CTNND2: variants seen among roughly 807,000 people sequenced by gnomAD.
CTNND2 encodes the protein catenin delta-2.
Under a neutral mutation model 144.4 loss-of-function variants are expected in CTNND2, and 22 were observed. The observed-to-expected ratio is 0.15, with a 90% CI of 0.11 to 0.22. The LOEUF (loss-of-function observed/expected upper bound fraction) is 0.22. CTNND2 is among the 10% of genes least tolerant of loss of function. The probability of loss-of-function intolerance (pLI) is 1.00; values close to 1 mark genes in which losing one functional copy is unlikely to be tolerated. For synonymous variants in CTNND2, 751 were observed against 695.6 expected, an observed-to-expected ratio of 1.08 and a Z score of -1.25; for missense variants, 1,353 against 1,618.8, an observed-to-expected ratio of 0.84 and a Z score of 2.82.
At chr5:11,432,865 T>A (rs1195163631) in intron 3 of CTNND2, among the ~76,000 whole-genome samples, 1 of 152,116 alleles carries the variant, frequency 6.6e-6, no homozygotes, top group Non-Finnish European at 1.5e-5. Context: ...GGGGAAAAAA[T>A]CTGTAAAACA....
intron 3 of CTNND2, among the ~76,000 whole-genome samples, chr5:11,470,234 G>C (rs1376373822): frequency 6.6e-6 from 1 of 152,036 alleles, no homozygotes; most frequent in Non-Finnish European, 1.5e-5. Context: ...TCAGGAGTTC[G>C]AGACCAGGCT....
intron 12 of CTNND2, among the ~76,000 whole-genome samples, chr5:11,146,524 A>C (rs537759468): frequency 6.6e-6 from 1 of 152,348 alleles, no homozygotes; most frequent in South Asian, 2.1e-4. Context: ...AAAAAGACAT[A>C]ATATATCATT....
intron 11 of CTNND2, among the ~76,000 whole-genome samples, chr5:11,189,901 C>T (rs987549334): frequency 6.6e-6 from 1 of 152,186 alleles, no homozygotes; most frequent in Admixed American, 6.5e-5. Context: ...AATTGGATTA[C>T]AGTCAGTCTG....
chr5:11,217,851 A>G (rs1000466172), intron 10 of CTNND2, among the ~76,000 whole-genome samples: 1 of 152,100 alleles, frequency 6.6e-6, no homozygotes, highest in East Asian at 1.9e-4. Context: ...ATGAACTCCA[A>G]TCTCTTTGGG....
chr5:11,347,237 G>A (rs1465973431), intron 8 of CTNND2, among the ~76,000 whole-genome samples: 1 of 152,108 alleles, frequency 6.6e-6, no homozygotes, highest in Non-Finnish European at 1.5e-5. Context: ...ATTTTTATAT[G>A]CCTCTTTTTC....
At chr5:11,480,617 T>C (rs1170317031) in intron 3 of CTNND2, among the ~76,000 whole-genome samples, 3 of 151,008 alleles carry the variant, frequency 2.0e-5, no homozygotes, top group African/African-American at 7.3e-5. Flanking sequence ...CCACCAAACA[T>C]GCTTGTTCTA....
chr5:11,736,819 T>C (rs1787706741), intron 1 of CTNND2, among the ~76,000 whole-genome samples: 1 of 152,158 alleles, frequency 6.6e-6, no homozygotes, highest in South Asian at 2.1e-4. Context: ...AAAATTACTT[T>C]GGGATTTTGG....
chr5:11,824,289 A>T (rs888683317), intron 1 of CTNND2, among the ~76,000 whole-genome samples: 56 of 152,146 alleles, frequency 3.7e-4, no homozygotes, highest in African/African-American at 1.3e-3. Flanking sequence ...TTACGTCAAA[A>T]ATTCAATCAA....
chr5:11,717,723 C>T (rs897738316), intron 2 of CTNND2, among the ~76,000 whole-genome samples: 9 of 151,976 alleles, frequency 5.9e-5, no homozygotes, highest in African/African-American at 1.9e-4. Flanking sequence ...TGGGGGCAGG[C>T]GAAAGAGAGA....
chr5:11,649,217 G>A (rs962166688), intron 2 of CTNND2, among the ~76,000 whole-genome samples: 3 of 152,166 alleles, frequency 2.0e-5, no homozygotes, highest in African/African-American at 7.2e-5. Flanking sequence ...GAGAATAAAG[G>A]TTGCAAACAT....
At chr5:11,641,620 GTATACATATACGTGTGTGTA>G (rs1782013048) in intron 2 of CTNND2, among the ~76,000 whole-genome samples, 2 of 138,032 alleles carry the variant, frequency 1.4e-5, no homozygotes, top group Non-Finnish European at 3.0e-5. Context: ...ATACGTGTGT[GTATACATATACGTGTGTGTA>G]TATACATATA....
intron 10 of CTNND2, among the ~76,000 whole-genome samples, chr5:11,227,997 C>T (rs1000797197): frequency 2.0e-5 from 3 of 152,110 alleles, no homozygotes; most frequent in Non-Finnish European, 2.9e-5. Flanking sequence ...GTAAGCTGGA[C>T]TCTCGCCAGC....
Position 11,800,972 on chromosome 5 carries a change from G to A in CTNND2, c.38-68700C>T, listed in dbSNP as rs923628450. Among the ~76,000 whole-genome samples, 27 of 152,082 alleles carry A rather than the reference G, an allele frequency of 1.8e-4. 1 individual carries two copies. Among genetic ancestry groups the A allele is most frequent in the East Asian group, 9.6e-4 (5 of 5,192 alleles). ...TGAGAAGGTACATACAGAGTTTCACGACTGTTTTTCAAGAGGGTGTTCTTT... is the reference window on the plus strand; with the variant it reads ...TGAGAAGGTACATACAGAGTTTCACAACTGTTTTTCAAGAGGGTGTTCTTT... On this transcript the variant is annotated intron_variant, in intron 1 of 21. Transcript: ENST00000304623.
chr5:11,473,897 A>G (rs904208105), intron 3 of CTNND2, among the ~76,000 whole-genome samples: 4 of 152,052 alleles, frequency 2.6e-5, no homozygotes, highest in East Asian at 1.9e-4. Context: ...AGTTAAACAA[A>G]TGTGATGAAT....
chr5:10,978,187 C>A (rs1736746910), intron 21 of CTNND2, among the ~76,000 whole-genome samples: 1 of 152,208 alleles, frequency 6.6e-6, no homozygotes. Flanking sequence ...TCTGGGGTAA[C>A]TTTTGGCCCA....
intron 5 of CTNND2, among the ~76,000 whole-genome samples, chr5:11,404,763 G>T (rs368874555): frequency 1.3e-5 from 2 of 151,764 alleles, no homozygotes; most frequent in East Asian, 1.9e-4. Context: ...GATTACAGGG[G>T]TGCCCCACCA....
chr5:11,897,523 T>C (rs1691896013), intron 1 of CTNND2, among the ~76,000 whole-genome samples: 1 of 152,156 alleles, frequency 6.6e-6, no homozygotes, highest in African/African-American at 2.4e-5. Flanking sequence ...TATATATGGT[T>C]TGGGAAGTCA....
intron 2 of CTNND2, among the ~76,000 whole-genome samples, chr5:11,636,015 A>G (rs777424148): frequency 6.9e-6 from 1 of 144,872 alleles, no homozygotes; most frequent in South Asian, 2.3e-4. Context: ...TCCAAGCATC[A>G]ATGGTTTAAT....
At chr5:11,216,734 C>G (rs992351219) in intron 10 of CTNND2, among the ~76,000 whole-genome samples, 2 of 152,230 alleles carry the variant, frequency 1.3e-5, no homozygotes, top group African/African-American at 4.8e-5. Flanking sequence ...GGTGGAAAAT[C>G]TGCTGCAAAG....
Sources: allele counts gnomAD v4.1 joint callset (sites outside exome capture counted in the v4.1 genomes callset), GRCh38; gene constraint gnomAD v4.1.1; transcripts MANE v1.5; gene names NCBI Gene and HGNC (gene_info 2026-07-23, HGNC 2026-07-21).